Variants in SH3PXD2B observed in about 807,000 individuals in gnomAD.
SH3PXD2B encodes SH3 and PX domain-containing protein 2B.
In SH3PXD2B, 37 loss-of-function variants were observed where a neutral mutation model predicts 73.1. The ratio of observed to expected loss-of-function variants is 0.51; its 90% CI spans 0.39 to 0.67. The LOEUF is 0.67. Among genes scored for constraint, SH3PXD2B ranks in the 30% least tolerant of loss-of-function variants. The pLI, the probability that SH3PXD2B is intolerant of heterozygous loss-of-function variation, is 0.00. For missense variants in SH3PXD2B, 1,053 were observed against 1,197.8 expected (o/e 0.88, Z 1.78); for synonymous variants, 457 against 480.5 (o/e 0.95, Z 0.64).
chr5:172,380,059 T>G (rs150708022), intron 5 of SH3PXD2B, among the ~76,000 whole-genome samples: 70 of 152,154 alleles, frequency 4.6e-4, no homozygotes, highest in African/African-American at 1.6e-3. Context: ...TGACAGGTTT[T>G]TTTGTTTTTG....
chr5:172,423,547 G>GC (rs34310503), intron 1 of SH3PXD2B, among the ~76,000 whole-genome samples: 45,309 of 129,808 alleles, frequency 0.35, 7,881 homozygotes, highest in East Asian at 0.69. Flanking sequence ...TACGGGGTTG[G>GC]GGGGGGGGGC....
chr5:172,331,110 G>A (rs1428915146), downstream of SH3PXD2B, among the ~76,000 whole-genome samples: 4 of 152,192 alleles, frequency 2.6e-5, no homozygotes, highest in Non-Finnish European at 4.4e-5. Flanking sequence ...CAGGAGAATC[G>A]CTTGAACCCG....
intron 1 of SH3PXD2B, among the ~76,000 whole-genome samples, chr5:172,435,073 C>T (rs1028049950): frequency 1.3e-5 from 2 of 152,142 alleles, no homozygotes; most frequent in Non-Finnish European, 2.9e-5. Flanking sequence ...ACGTGAGCCA[C>T]CACACACAGC....
chr5:172,327,761 T>G (rs1756472985), intron 12 of SH3PXD2B, among the ~76,000 whole-genome samples: 1 of 150,096 alleles, frequency 6.7e-6, no homozygotes, highest in South Asian at 2.1e-4. Flanking sequence ...GGTTTTTTTT[T>G]TTTTTTTTTT....
chr5:172,406,297 C>T lies in SH3PXD2B; in HGVS notation c.212G>A (p.Arg71Gln), dbSNP rs200536170. The change falls in exon 3 of 13, where the codon CGG (arginine) becomes CAG (glutamine). Residue 71 changes from arginine to glutamine, a missense_variant. Arg to Gln is a conservative substitution (Grantham distance 43, BLOSUM62 1). Transcript: ENST00000311601. ...MEGGQKDPKQ[R>Q]IIPFLPGKIL... ...CCTACCTGGCAGAAAGGGGATGATCCGCTGCTTGGGGTCCTTCTGTCCTCC... is the reference window on the plus strand; with the variant it reads ...CCTACCTGGCAGAAAGGGGATGATCTGCTGCTTGGGGTCCTTCTGTCCTCC... 13 of 1,614,034 alleles carry T rather than the reference C, an allele frequency of 8.1e-6. No individual in the cohort carries two copies. Among genetic ancestry groups the T allele is most frequent in the Admixed American group, 5.0e-5 (3 of 59,984 alleles).
At chr5:172,418,984 C>T (rs1758888827) in intron 2 of SH3PXD2B, among the ~76,000 whole-genome samples, 2 of 152,190 alleles carry the variant, frequency 1.3e-5, no homozygotes, top group African/African-American at 4.8e-5. Flanking sequence ...GCAAGTCACA[C>T]CTGTGCAGAG....
chr5:172,367,633 T>C (rs1336538535), intron 6 of SH3PXD2B, among the ~76,000 whole-genome samples: 2 of 152,120 alleles, frequency 1.3e-5, no homozygotes, highest in Non-Finnish European at 2.9e-5. Context: ...AATTCCTGAG[T>C]TTTGGCAGGG....
At chr5:172,342,260 C>A (rs1196652144) in intron 12 of SH3PXD2B, among the ~76,000 whole-genome samples, 2 of 152,140 alleles carry the variant, frequency 1.3e-5, no homozygotes, top group Non-Finnish European at 2.9e-5. Flanking sequence ...ACTGCAATTC[C>A]CTGGTAGGCT....
At chr5:172,398,593 C>G (rs1159404999) in intron 3 of SH3PXD2B, among the ~76,000 whole-genome samples, 1 of 152,204 alleles carries the variant, frequency 6.6e-6, no homozygotes, top group African/African-American at 2.4e-5. Flanking sequence ...GGATAAACTT[C>G]AACAGACCAC....
chr5:172,326,649 T>C (rs183824771), intron 12 of SH3PXD2B, among the ~76,000 whole-genome samples: 9 of 152,348 alleles, frequency 5.9e-5, no homozygotes, highest in African/African-American at 2.2e-4. Context: ...TGTCAAGCTC[T>C]GTAGTCCTTG....
At chr5:172,379,069 C>CAAAAA (rs61301407) in intron 5 of SH3PXD2B, among the ~76,000 whole-genome samples, 1 of 76,000 alleles carries the variant, frequency 1.3e-5, no homozygotes, top group African/African-American at 5.0e-5. Context: ...GACTCTGTCT[C>CAAAAA]AAAAAAAAAA....
intron 1 of SH3PXD2B, among the ~76,000 whole-genome samples, chr5:172,434,712 G>A (rs1759325839): frequency 6.6e-6 from 1 of 152,086 alleles, no homozygotes; most frequent in African/African-American, 2.4e-5. Flanking sequence ...TTAATTACAA[G>A]GGCTGGGGCT....
At chr5:172,406,611 G>A (rs6898054) in intron 2 of SH3PXD2B, among the ~76,000 whole-genome samples, 1 of 152,104 alleles carries the variant, frequency 6.6e-6, no homozygotes, top group Non-Finnish European at 1.5e-5. Context: ...CTTTCCTGGG[G>A]TTCTCCATCC....
In SH3PXD2B at chr5:172,339,150, G is replaced by A. The variant is rs148050566; in HGVS notation, c.1955C>T (p.Thr652Met). Reference protein sequence around the residue: ...VRPKPAPSPKTEPPQGEDQVD... With the variant: ...VRPKPAPSPKMEPPQGEDQVD... ...TTGGTCTTCGCCCTGAGGTGGCTCC[G>A]TTTTGGGGGAAGGAGCTGGTTTTGG... Residue 652 changes from threonine (T) to methionine (M), a missense_variant, in exon 13 of 13, where the codon ACG becomes ATG. Physicochemically the swap from Thr to Met is moderately conservative, Grantham distance 81. This residue lies in a region of SH3PXD2B where 587 missense variants were observed against 590.7 expected (regional missense o/e 0.99). Coordinates refer to ENST00000311601, the MANE Select transcript of SH3PXD2B (RefSeq NM_001017995.3). This position sits in a 1 kb window ranked among gnomAD's most constrained non-coding sequence, Gnocchi z 6.1. The A allele has an allele frequency of 2.4e-4, 389 of 1,614,218 alleles. 1 individual carries two copies. The African/African-American group carries it at 4.7e-3, about 19-fold the overall frequency.
At chr5:172,348,697 A>G (rs1310603408) in intron 10 of SH3PXD2B, among the ~76,000 whole-genome samples, 1 of 41,102 alleles carries the variant, frequency 2.4e-5, no homozygotes, top group African/African-American at 7.1e-5. Flanking sequence ...CTATCTATCT[A>G]TCTATCTATC....
At position 172,334,782 on chromosome 5, in the gene SH3PXD2B, A is replaced by C; in HGVS notation, c.*3587T>G. 1 of 985,416 alleles carries C rather than the reference A, an allele frequency of 1.0e-6. No homozygotes were observed. Among genetic ancestry groups the C allele is most frequent in the Non-Finnish European group, 1.2e-6 (1 of 829,936 alleles). 61.0% of individuals were successfully genotyped at this position (985,416 alleles called of 1,614,324 possible). A position where few individuals can be genotyped will look rare whatever the true frequency, so the allele number is the denominator to read the frequency against. ...TACCAGACTGTCCACTCCTCAGCCTAAGGTCCTTCTCAAGTCCTGGCACAC... is the reference window on the plus strand; with the variant it reads ...TACCAGACTGTCCACTCCTCAGCCTCAGGTCCTTCTCAAGTCCTGGCACAC... On this transcript the variant is annotated 3_prime_UTR_variant, in exon 13 of 13. Transcript: ENST00000311601.
intron 2 of SH3PXD2B, among the ~76,000 whole-genome samples, chr5:172,416,683 T>C (rs1758829392): frequency 9.5e-6 from 1 of 105,544 alleles, no homozygotes; most frequent in African/African-American, 4.8e-5. Context: ...TGTGAGTCTC[T>C]CTCTCTCTCT....
At chr5:172,375,101 G>T (rs985522979) in intron 5 of SH3PXD2B, among the ~76,000 whole-genome samples, 2 of 152,188 alleles carry the variant, frequency 1.3e-5, no homozygotes, top group African/African-American at 4.8e-5. Context: ...GTTCACGCCT[G>T]TAATCCCAGC....
chr5:172,408,133 A>G (rs909694873), intron 2 of SH3PXD2B, among the ~76,000 whole-genome samples: 5 of 150,644 alleles, frequency 3.3e-5, no homozygotes, highest in Non-Finnish European at 7.4e-5. Flanking sequence ...GAAGTCTTTA[A>G]ACTTTTAAAC....
Sources: allele counts gnomAD v4.1 joint callset (sites outside exome capture counted in the v4.1 genomes callset), GRCh38; gene constraint gnomAD v4.1.1; regional missense constraint gnomAD v4.1.1; non-coding constraint Gnocchi (gnomAD v3.1); transcripts MANE v1.5; gene names NCBI Gene and HGNC (gene_info 2026-07-23, HGNC 2026-07-21).